The following DOCK9 variants were observed in gnomAD, a reference collection of about 807,000 sequenced individuals.
DOCK9 encodes the protein dedicator of cytokinesis protein 9.
DOCK9 carries 89 observed loss-of-function variants against 263.3 expected under a neutral mutation model. The ratio of observed to expected loss-of-function variants is 0.34; its 90% CI spans 0.28 to 0.40. The LOEUF is 0.40. DOCK9 is among the 10% of genes least tolerant of loss of function. The pLI is 1.00. For missense variants in DOCK9, 2,140 were observed against 2,603.4 expected, an observed-to-expected ratio of 0.82 and a Z score of 3.87; for synonymous variants, 976 against 973.1, an observed-to-expected ratio of 1.00 and a Z score of -0.06.
rs1594754269 is a variant in DOCK9 at position 98,860,505 on chromosome 13, G to T, written c.3597C>A (p.Ser1199=). ...VNAGMTVKDE[S]LALPAVNPLV... Reference sequence around the variant, plus strand: ...GCGGATTCACAGCTGGTAGAGCCAGGGATTCATCCTTCACAGTCTGTCAAG... The same window carrying T: ...GCGGATTCACAGCTGGTAGAGCCAGTGATTCATCCTTCACAGTCTGTCAAG... Residue 1199 remains serine, a synonymous_variant, in exon 33 of 53, where the codon TCC becomes TCA. Coordinates refer to ENST00000682017, the MANE Select transcript of DOCK9 (RefSeq NM_001366683.2). 1.3e-6 allele frequency: 2 copies of T among 1,571,986 alleles called. No homozygotes were observed. Among genetic ancestry groups the T allele is most frequent in the African/African-American group, 1.3e-5 (1 of 74,076 alleles).
At chr13:98,887,282 C>T (rs2045912984) in intron 18 of DOCK9, among the ~76,000 whole-genome samples, 1 of 149,856 alleles carries the variant, frequency 6.7e-6, no homozygotes, top group South Asian at 2.1e-4. Context: ...TAATGTTTTA[C>T]CTTAGGCAAA....
At chr13:99,085,542 G>A (rs1407535750) in intron 1 of DOCK9, among the ~76,000 whole-genome samples, 1 of 152,178 alleles carries the variant, frequency 6.6e-6, no homozygotes, top group Non-Finnish European at 1.5e-5. Context: ...GGGAAGATTC[G>A]TTTTGGGCTG....
rs1298225605 is a variant in DOCK9, at chr13:98,942,182, C to T, written c.244-11925G>A. Reference sequence around the variant, plus strand: ...TAAGTAAGTGTACTTTCTTTACTTTCTTTTGTTTTCCAGTTGTCTGTATGT... The same window carrying T: ...TAAGTAAGTGTACTTTCTTTACTTTTTTTTGTTTTCCAGTTGTCTGTATGT... On this transcript the variant is annotated intron_variant, in intron 2 of 52. Transcript: ENST00000682017. Among the ~76,000 whole-genome samples, 3 of 143,830 alleles carry T rather than the reference C, an allele frequency of 2.1e-5. No individual in the cohort carries two copies. In the East Asian group the frequency reaches 6.1e-4, roughly 29 times the overall value. 94.4% of individuals were successfully genotyped at this position (143,830 alleles called of 152,430 possible).
rs567342158 is a variant in DOCK9 at position 98,938,718 on chromosome 13, T to A, written c.244-8461A>T. On this transcript the variant is annotated intron_variant, in intron 2 of 52. Transcript: ENST00000682017. ...TCAACTCATGGCACTGGATTTTTTT[T>A]ATCAATTACTTTACAATGGGCTTAA... Among the ~76,000 whole-genome samples the A allele has an allele frequency of 8.6e-5, 13 of 150,672 alleles. No homozygotes were observed. In the East Asian group the frequency reaches 2.5e-3, roughly 29 times the overall value.
chr13:98,800,127 C>T (rs2089935634), intron 50 of DOCK9, among the ~76,000 whole-genome samples, 161 bp downstream of exon 50: 2 of 152,164 alleles, frequency 1.3e-5, no homozygotes, highest in Admixed American at 1.3e-4. Flanking sequence ...TTTCCTCCCC[C>T]TCTGATATCA....
chr13:99,059,188 G>A (rs1248119378), intron 1 of DOCK9, among the ~76,000 whole-genome samples: 1 of 152,162 alleles, frequency 6.6e-6, no homozygotes, highest in Non-Finnish European at 1.5e-5. Context: ...TCAAATGTCT[G>A]CAGTCGAGTC....
chr13:98,914,397 TA>T lies in DOCK9; in HGVS notation c.893-3del. On this transcript the variant is annotated splice_polypyrimidine_tract_variant and splice_region_variant and intron_variant, in intron 8 of 52. Coordinates refer to ENST00000682017, the MANE Select transcript of DOCK9 (RefSeq NM_001366683.2). ...CTTCCAATTTGCTTTGTTCATCATC[TA>T]AAATGGCAAAACAGATTATCGGAAT... 2 of 1,606,276 alleles carry T rather than the reference TA, an allele frequency of 1.2e-6. No individual in the cohort carries two copies. Among genetic ancestry groups the T allele is most frequent in the South Asian group, 1.1e-5 (1 of 89,020 alleles).
At chr13:98,860,351 A>C in intron 33 of DOCK9, 54 bp downstream of exon 33, 3 of 1,552,288 alleles carry the variant, frequency 1.9e-6, no homozygotes, top group Middle Eastern at 1.7e-4. Flanking sequence ...TATTGGCTCC[A>C]AGACACTTTC....
chr13:98,818,392 AGTT>A (rs1354925168), intron 45 of DOCK9, among the ~76,000 whole-genome samples: 2 of 152,204 alleles, frequency 1.3e-5, no homozygotes, highest in African/African-American at 4.8e-5. Flanking sequence ...CAGAAATTCC[AGTT>A]ATTAATTTAC....
intron 1 of DOCK9, among the ~76,000 whole-genome samples, chr13:99,027,990 G>A (rs1250582327): frequency 6.6e-6 from 1 of 152,208 alleles, no homozygotes; most frequent in Admixed American, 6.5e-5. Flanking sequence ...CACAGCACAT[G>A]CTTTGACTCA....
intron 1 of DOCK9, among the ~76,000 whole-genome samples, chr13:99,023,902 G>A (rs143140416): frequency 7.9e-5 from 12 of 152,258 alleles, no homozygotes; most frequent in African/African-American, 2.9e-4. Flanking sequence ...AAAAAAAGAT[G>A]CCTGAGATTT....
chr13:98,914,241 C>G (rs1466781202), intron 9 of DOCK9, 87 bp downstream of exon 9: 12 of 1,164,146 alleles, frequency 1.0e-5, no homozygotes, highest in Non-Finnish European at 1.5e-5. Context: ...TTTATGATTT[C>G]AACAGATTCC....
chr13:99,041,096 G>C (rs1404962705), intron 1 of DOCK9, among the ~76,000 whole-genome samples: 2 of 152,104 alleles, frequency 1.3e-5, no homozygotes, highest in African/African-American at 4.8e-5. Flanking sequence ...GGAATACTGG[G>C]GGCATGAAGA....
At chr13:98,977,369 C>A (rs1420852584) in intron 1 of DOCK9, among the ~76,000 whole-genome samples, 5 of 152,126 alleles carry the variant, frequency 3.3e-5, no homozygotes, top group Admixed American at 6.5e-5. Flanking sequence ...TCCTTAAAAC[C>A]CCCAATGGGA....
intron 2 of DOCK9, among the ~76,000 whole-genome samples, chr13:98,941,344 T>G (rs2055810749): frequency 6.6e-6 from 1 of 152,190 alleles, no homozygotes; most frequent in Admixed American, 6.5e-5. Flanking sequence ...AGACAGCGTC[T>G]CAGCAACACG....
chr13:99,063,155 A>G (rs1271232019), intron 1 of DOCK9, among the ~76,000 whole-genome samples: 1 of 152,246 alleles, frequency 6.6e-6, no homozygotes, highest in Non-Finnish European at 1.5e-5. Flanking sequence ...AAAAGAACCA[A>G]CAGGAAGGCT....
intron 1 of DOCK9, among the ~76,000 whole-genome samples, chr13:99,010,570 C>T (rs1255139427): frequency 2.0e-5 from 3 of 150,672 alleles, no homozygotes; most frequent in South Asian, 2.1e-4. Flanking sequence ...TCAATTAATC[C>T]GAAAAGGGGA....
rs1594646622 is a variant in DOCK9, at chr13:98,848,759, C to A, written c.4014-120G>T. ...TTATGTCTAGTACCAGCATAAGTCA[C>A]ATCCTCATTCATTCAGAATGGTTTT... On this transcript the variant is annotated intron_variant, in intron 36 of 52. Transcript: ENST00000682017. The A allele has an allele frequency of 1.1e-5, 11 of 1,019,100 alleles. No individual in the cohort carries two copies. The Middle Eastern group carries it at 1.5e-3, about 135-fold the overall frequency. 63.1% of individuals were successfully genotyped at this position (1,019,100 alleles called of 1,614,324 possible). A position where few individuals can be genotyped will look rare whatever the true frequency, so the allele number is the denominator to read the frequency against.
At chr13:99,072,585 T>C (rs2041729101) in intron 1 of DOCK9, among the ~76,000 whole-genome samples, 1 of 152,198 alleles carries the variant, frequency 6.6e-6, no homozygotes, top group African/African-American at 2.4e-5. Context: ...CAAAACCCCA[T>C]ACCACTACCT....
Sources: allele counts gnomAD v4.1 joint callset (sites outside exome capture counted in the v4.1 genomes callset), GRCh38; gene constraint gnomAD v4.1.1; transcripts MANE v1.5; gene names NCBI Gene and HGNC (gene_info 2026-07-23, HGNC 2026-07-21).